TRAF2: variants seen among roughly 807,000 people sequenced by gnomAD.
The protein encoded by TRAF2 is TNF receptor associated factor 2.
In TRAF2, 6 loss-of-function variants were observed where a neutral mutation model predicts 55.6. The observed-to-expected ratio is 0.11, with a 90% CI of 0.06 to 0.21. TRAF2 has a LOEUF of 0.21. Among genes scored for constraint, TRAF2 ranks in the 10% least tolerant of loss-of-function variants. The pLI is 1.00. For synonymous variants in TRAF2, 329 were observed against 276.3 expected (o/e 1.19, Z -1.89); for missense variants, 561 against 684.5 (o/e 0.82, Z 2.01).
chr9:136,886,960 C>G (rs1849466735), intron 1 of TRAF2, among the ~76,000 whole-genome samples: 1 of 152,202 alleles, frequency 6.6e-6, no homozygotes. Flanking sequence ...CCCCGAAGCC[C>G]CGCACCCTCA....
chr9:136,925,669 G>A lies in TRAF2; in HGVS notation c.1288-14G>A. The A allele has an allele frequency of 6.2e-7, 1 of 1,613,400 alleles. No homozygotes were observed. The highest frequency in any genetic ancestry group is 8.5e-7 in the Non-Finnish European group (1 of 1,179,678). ...CACAGACCTGTGTCCCCTCCCTGGG[G>A]CTCTCTCCTCCAGGTGACCTTAATG... On this transcript the variant is annotated splice_polypyrimidine_tract_variant and intron_variant, in intron 10 of 10. Transcript: ENST00000247668.
At chr9:136,924,887 C>CGT (rs1564423890) in intron 10 of TRAF2, among the ~76,000 whole-genome samples, 28 of 151,952 alleles carry the variant, frequency 1.8e-4, no homozygotes, top group Non-Finnish European at 4.0e-4. Context: ...TACAGGCATG[C>CGT]ACCACCACGC....
chr9:136,911,846 CTTTTT>C (rs71492143), intron 6 of TRAF2, among the ~76,000 whole-genome samples: 28 of 71,444 alleles, frequency 3.9e-4, no homozygotes, highest in Non-Finnish European at 4.8e-4. Flanking sequence ...TCTCTTATCT[CTTTTT>C]TTTTTTTTTT....
At chr9:136,912,843 CAAGTCAAGG>C (rs1850149429) in intron 6 of TRAF2, among the ~76,000 whole-genome samples, 4 of 151,912 alleles carry the variant, frequency 2.6e-5, no homozygotes, top group Middle Eastern at 3.5e-3. Context: ...TCTAAAAAAA[CAAGTCAAGG>C]CCAGTTGTGG....
chr9:136,900,982 G>A (rs1447642539), intron 4 of TRAF2, among the ~76,000 whole-genome samples: 2 of 152,196 alleles, frequency 1.3e-5, no homozygotes, highest in Non-Finnish European at 2.9e-5. Context: ...ATCCACAAAG[G>A]ATTGCTTATT....
At chr9:136,907,244 TC>T (rs1849976597) in intron 4 of TRAF2, among the ~76,000 whole-genome samples, 2 of 152,350 alleles carry the variant, frequency 1.3e-5, no homozygotes, top group South Asian at 4.1e-4. Flanking sequence ...GCTTCCCTAG[TC>T]TGCAGTCTGC....
intron 1 of TRAF2, among the ~76,000 whole-genome samples, chr9:136,892,079 A>G (rs1261902296): frequency 1.3e-5 from 2 of 152,116 alleles, no homozygotes; most frequent in Non-Finnish European, 2.9e-5. Context: ...CCCCATTCGT[A>G]CACTGGCATG....
At chr9:136,923,597 T>A (rs192447793) in intron 9 of TRAF2, among the ~76,000 whole-genome samples, 1 of 104,800 alleles carries the variant, frequency 9.5e-6, no homozygotes. Context: ...GCAACAAGAG[T>A]GAGACTCCAT....
intron 4 of TRAF2, 82 bp downstream of exon 4, chr9:136,900,602 G>T: frequency 9.0e-7 from 1 of 1,105,934 alleles, no homozygotes; most frequent in East Asian, 2.5e-5. Context: ...TTATGACCTT[G>T]TCCTGCACGT....
chr9:136,903,925 G>A (rs905188839), intron 4 of TRAF2, among the ~76,000 whole-genome samples: 9 of 152,044 alleles, frequency 5.9e-5, no homozygotes, highest in African/African-American at 1.4e-4. Context: ...CTCGTGATCC[G>A]CCTGCCTCGG....
At chr9:136,884,189 C>T (rs1411907491), upstream of TRAF2, among the ~76,000 whole-genome samples, 2 of 151,388 alleles carry the variant, frequency 1.3e-5, no homozygotes, top group African/African-American at 4.8e-5. Flanking sequence ...CTCAGGTGAT[C>T]TGCTCGCCTA....
chr9:136,920,122 A>T, intron 7 of TRAF2, 112 bp from the exon 8 acceptor site: 1 of 1,354,382 alleles, frequency 7.4e-7, no homozygotes, highest in Non-Finnish European at 9.8e-7. Context: ...ATCCCTATCT[A>T]TGACCCTGGC....
rs377066968 is a variant in TRAF2, at chr9:136,923,815, A to T, written c.1139-37A>T. 3.4e-5 allele frequency: 54 copies of T among 1,606,300 alleles called. No homozygotes were observed. In the African/African-American group the frequency reaches 6.9e-4, roughly 21 times the overall value. On this transcript the variant is annotated intron_variant, in intron 9 of 10. Transcript: ENST00000247668. ...GAAGAGCCCTGCCCCGCCCTTGCTGAGTGTCAGCTCACCAGGCACCCCTCC... is the reference window on the plus strand; with the variant it reads ...GAAGAGCCCTGCCCCGCCCTTGCTGTGTGTCAGCTCACCAGGCACCCCTCC...
chr9:136,912,118 C>T (rs969636307), intron 6 of TRAF2, among the ~76,000 whole-genome samples: 2 of 146,514 alleles, frequency 1.4e-5, no homozygotes, highest in Admixed American at 6.9e-5. Context: ...TCCCAAAGTG[C>T]TGGGATTACA....
At chr9:136,886,328 T>C (rs371425707), upstream of TRAF2, 13 of 924,416 alleles carry the variant, frequency 1.4e-5, 1 homozygote, top group East Asian at 1.2e-4. Flanking sequence ...CTGCGGCTCC[T>C]GCGGGCTCGC....
intron 9 of TRAF2, among the ~76,000 whole-genome samples, chr9:136,922,030 C>T (rs937108142): frequency 8.5e-5 from 13 of 152,228 alleles, no homozygotes; most frequent in Admixed American, 3.3e-4. Flanking sequence ...GTTCTAGGAT[C>T]AAGGCCGAGA....
upstream of TRAF2, among the ~76,000 whole-genome samples, chr9:136,883,230 AG>A (rs1273299317): frequency 1.3e-5 from 2 of 152,118 alleles, no homozygotes; most frequent in East Asian, 3.9e-4. Context: ...AATTAAACAA[AG>A]GCATTTTCAT....
chr9:136,923,124 G>A (rs1850436189), intron 9 of TRAF2, among the ~76,000 whole-genome samples: 2 of 152,108 alleles, frequency 1.3e-5, no homozygotes, highest in African/African-American at 2.4e-5. Context: ...GAAGGAAGTC[G>A]ACTCTTCTTG....
Position 136,909,989 on chromosome 9 carries a change from G to GAGA in TRAF2, c.601_603dup (p.Lys201dup). ...CTGCGGCAAGAAGAAGATCCCCCGG[G>GAGA]AGAAGGTGAGTGTCCTTCACCTCCT... is the stretch of plus-strand genomic sequence containing the variant. On this transcript the variant is annotated inframe_insertion, in exon 6 of 11. Coordinates refer to ENST00000247668, the MANE Select transcript of TRAF2 (RefSeq NM_021138.4). 6.2e-7 allele frequency: 1 copy of GAGA among 1,613,876 alleles called. No individual in the cohort carries two copies. Among genetic ancestry groups the GAGA allele is most frequent in the Non-Finnish European group, 8.5e-7 (1 of 1,179,908 alleles).
Sources: allele counts gnomAD v4.1 joint callset (sites outside exome capture counted in the v4.1 genomes callset), GRCh38; gene constraint gnomAD v4.1.1; transcripts MANE v1.5; gene names NCBI Gene and HGNC (gene_info 2026-07-23, HGNC 2026-07-21).